SLC20A2: variants seen among roughly 807,000 people sequenced by gnomAD.
The protein encoded by SLC20A2 is solute carrier family 20 member 2.
SLC20A2 carries 30 observed loss-of-function variants against 61.0 expected under a neutral mutation model. That is an observed-to-expected ratio of 0.49 (90% CI 0.37 to 0.67). The LOEUF (loss-of-function observed/expected upper bound fraction) is 0.67. SLC20A2 is among the 30% of genes least tolerant of loss of function. The probability of loss-of-function intolerance (pLI) is 0.00; values close to 1 mark genes in which losing one functional copy is unlikely to be tolerated. For missense variants in SLC20A2, 626 were observed against 866.4 expected, an observed-to-expected ratio of 0.72 and a Z score of 3.48; for synonymous variants, 351 against 353.3, an observed-to-expected ratio of 0.99 and a Z score of 0.07.
At chr8:42,479,140 G>C (rs1352170159) in intron 1 of SLC20A2, among the ~76,000 whole-genome samples, 1 of 152,150 alleles carries the variant, frequency 6.6e-6, no homozygotes, top group Non-Finnish European at 1.5e-5. Flanking sequence ...AAGAAAAGCT[G>C]GCTTTCTGCA....
At chr8:42,469,457 C>T (rs143239081) in intron 2 of SLC20A2, among the ~76,000 whole-genome samples, 19 of 152,232 alleles carry the variant, frequency 1.2e-4, no homozygotes, top group African/African-American at 4.1e-4. Context: ...AAGAGCCAAA[C>T]GCCAGGGGTG....
intron 10 of SLC20A2, among the ~76,000 whole-genome samples, chr8:42,420,900 G>C (rs2130919164): frequency 6.6e-6 from 1 of 152,206 alleles, no homozygotes; most frequent in South Asian, 2.1e-4. Flanking sequence ...CTTGACTTTT[G>C]TTTCCTTATA....
intron 1 of SLC20A2, among the ~76,000 whole-genome samples, chr8:42,529,236 T>G (rs964181024): frequency 1.3e-5 from 2 of 152,134 alleles, no homozygotes; most frequent in Admixed American, 6.5e-5. Context: ...CTCAAAGCAC[T>G]GTAATTACAT....
At chr8:42,506,015 C>T (rs1276357110), upstream of SLC20A2, among the ~76,000 whole-genome samples, 1 of 152,148 alleles carries the variant, frequency 6.6e-6, no homozygotes, top group Non-Finnish European at 1.5e-5. Context: ...AATCTCGGCT[C>T]ACTGCAACGT....
chr8:42,530,190 T>A (rs1017714445), intron 1 of SLC20A2, among the ~76,000 whole-genome samples: 1 of 152,166 alleles, frequency 6.6e-6, no homozygotes, highest in Non-Finnish European at 1.5e-5. Flanking sequence ...CAGAGACCCA[T>A]ATTTTAAAGA....
At chr8:42,462,966 A>T in intron 4 of SLC20A2, 39 bp downstream of exon 4, 2 of 1,286,254 alleles carry the variant, frequency 1.6e-6, no homozygotes, top group Non-Finnish European at 2.2e-6. Flanking sequence ...AGCCAAAAAT[A>T]GTTCTTAAGA....
chr8:42,456,965 C>T (rs575052977), intron 5 of SLC20A2, among the ~76,000 whole-genome samples: 27 of 152,068 alleles, frequency 1.8e-4, no homozygotes, highest in Admixed American at 1.4e-3. Flanking sequence ...GCTCTGTCGA[C>T]GAGGCTGGAG....
At chr8:42,519,245 A>G (rs1811498342) in intron 1 of SLC20A2, among the ~76,000 whole-genome samples, 1 of 152,160 alleles carries the variant, frequency 6.6e-6, no homozygotes. Context: ...AGGGATTGAG[A>G]CCATCCTGGC....
At chr8:42,447,539 G>C (rs531566646) in intron 5 of SLC20A2, among the ~76,000 whole-genome samples, 2 of 151,878 alleles carry the variant, frequency 1.3e-5, no homozygotes, top group Non-Finnish European at 2.9e-5. Context: ...TTAGCCAGGC[G>C]TGGTGGTGGG....
intron 8 of SLC20A2, among the ~76,000 whole-genome samples, chr8:42,432,430 C>A (rs1051565218): frequency 1.3e-5 from 2 of 152,166 alleles, no homozygotes; most frequent in Non-Finnish European, 2.9e-5. Flanking sequence ...GAGATGAAAT[C>A]TACTCCTGGT....
At chr8:42,429,200 AGT>A (rs1803656568) in intron 9 of SLC20A2, among the ~76,000 whole-genome samples, 1 of 152,222 alleles carries the variant, frequency 6.6e-6, no homozygotes, top group Admixed American at 6.5e-5. Context: ...ATTACAAAAG[AGT>A]GTATTTTTCT....
rs778249371 is a variant in SLC20A2 at position 42,472,297 on chromosome 8, A to T, written c.94T>A (p.Ser32Thr). 1.2e-6 allele frequency: 2 copies of T among 1,614,210 alleles called. No individual in the cohort carries two copies. The highest frequency in any genetic ancestry group is 1.7e-6 in the Non-Finnish European group (2 of 1,180,042). Residue 32 changes from serine (S) to threonine (T), a missense_variant, in exon 2 of 11, where the codon TCC becomes ACC. Transcript: ENST00000520262. This position sits in a 1 kb window ranked among gnomAD's most constrained non-coding sequence, Gnocchi z 4.1. ...CCAGAGCCCACGGCTGTACCAAAGG[A>T]GTTGGCAACATCGTTTGCACCAACA... is the stretch of plus-strand genomic sequence containing the variant. ...FSVGANDVAN[S>T]FGTAVGSGVV...
At chr8:42,451,269 AG>A (rs1805612975) in intron 5 of SLC20A2, among the ~76,000 whole-genome samples, 1 of 151,422 alleles carries the variant, frequency 6.6e-6, no homozygotes, top group African/African-American at 2.4e-5. Flanking sequence ...GAAGAAGAGG[AG>A]GAGGACAGGG....
intron 3 of SLC20A2, among the ~76,000 whole-genome samples, chr8:42,463,934 T>A (rs1186410307): frequency 6.6e-6 from 1 of 151,480 alleles, no homozygotes; most frequent in East Asian, 1.9e-4. Context: ...TTTGTGGAGG[T>A]GAATGGATTT....
chr8:42,475,917 A>C (rs1462362708), intron 1 of SLC20A2, among the ~76,000 whole-genome samples: 1 of 152,026 alleles, frequency 6.6e-6, no homozygotes, highest in Non-Finnish European at 1.5e-5. Context: ...TGGTGGATTA[A>C]ACATGGGGGT....
At chr8:42,418,967 C>T (rs545843955) in intron 10 of SLC20A2, among the ~76,000 whole-genome samples, 14 of 145,994 alleles carry the variant, frequency 9.6e-5, no homozygotes, top group Middle Eastern at 3.6e-3. Context: ...GGAGATCATG[C>T]CACTGCACTC....
chr8:42,454,715 A>G (rs1315393204), intron 5 of SLC20A2, among the ~76,000 whole-genome samples: 1 of 151,576 alleles, frequency 6.6e-6, no homozygotes, highest in Non-Finnish European at 1.5e-5. Flanking sequence ...TCCCTTATAC[A>G]GATTTTACAA....
chr8:42,514,415 G>C (rs1007567242), intron 1 of SLC20A2, among the ~76,000 whole-genome samples: 1 of 150,408 alleles, frequency 6.6e-6, no homozygotes, highest in Non-Finnish European at 1.5e-5. Flanking sequence ...GTAATTATTA[G>C]CCTTTTTTGG....
chr8:42,486,572 C>T (rs1809029457), intron 1 of SLC20A2, among the ~76,000 whole-genome samples: 1 of 152,192 alleles, frequency 6.6e-6, no homozygotes, highest in African/African-American at 2.4e-5. Context: ...ATTTTGTCTT[C>T]ACTTTTGAAA....
Sources: gnomAD v4.1 joint callset for allele counts (sites outside exome capture counted in the v4.1 genomes callset) on GRCh38, gnomAD v4.1.1 for gene constraint, Gnocchi (gnomAD v3.1) non-coding constraint, MANE v1.5 for transcripts, NCBI Gene and HGNC (gene_info 2026-07-23, HGNC 2026-07-21) for gene names.